Variants in CRPPA observed in about 807,000 individuals in gnomAD.
CRPPA encodes CDP-L-ribitol pyrophosphorylase A.
CRPPA carries 43 observed loss-of-function variants against 52.0 expected under a neutral mutation model. That is an observed-to-expected ratio of 0.83 (90% CI 0.65 to 1.07). The LOEUF (loss-of-function observed/expected upper bound fraction) is 1.07. CRPPA is among the 50% of genes least tolerant of loss of function. The pLI is 0.00. For synonymous variants in CRPPA, 250 were observed against 203.5 expected (o/e 1.23, Z -1.94); for missense variants, 629 against 551.7 (o/e 1.14, Z -1.40).
intron 1 of CRPPA, among the ~76,000 whole-genome samples, chr7:16,413,545 TC>T (rs1456084625): frequency 2.0e-5 from 3 of 152,218 alleles, no homozygotes; most frequent in Non-Finnish European, 4.4e-5. Flanking sequence ...TAAATATTTC[TC>T]CTGTCTTCTC....
At chr7:16,152,870 A>AT (rs941506084) in intron 9 of CRPPA, among the ~76,000 whole-genome samples, 100 of 151,942 alleles carry the variant, frequency 6.6e-4, no homozygotes, top group African/African-American at 2.1e-3. Flanking sequence ...AATTTGTTCC[A>AT]TTTTTTCTCT....
intron 5 of CRPPA, among the ~76,000 whole-genome samples, chr7:16,300,302 A>G (rs1250630886): frequency 6.6e-6 from 1 of 152,222 alleles, no homozygotes; most frequent in African/African-American, 2.4e-5. Flanking sequence ...ATTTTTTAAT[A>G]AATTGATGCA....
At chr7:16,176,653 A>C (rs1384982426) in intron 9 of CRPPA, among the ~76,000 whole-genome samples, 1 of 152,124 alleles carries the variant, frequency 6.6e-6, no homozygotes, top group African/African-American at 2.4e-5. Context: ...TGTTGTTCAC[A>C]CTGTACTCTA....
chr7:16,216,908 G>T (rs1022059057), intron 8 of CRPPA, among the ~76,000 whole-genome samples: 1 of 151,978 alleles, frequency 6.6e-6, no homozygotes, highest in Non-Finnish European at 1.5e-5. Context: ...AAACAAAGCA[G>T]CCGGGAAGCT....
chr7:16,306,786 C>T (rs116110308), intron 4 of CRPPA, among the ~76,000 whole-genome samples: 1,867 of 152,106 alleles, frequency 0.012, 49 homozygotes, highest in African/African-American at 0.043. Flanking sequence ...ATCACTGAGC[C>T]ATATATAGAA....
intron 3 of CRPPA, among the ~76,000 whole-genome samples, chr7:16,327,830 C>T (rs1400971345): frequency 6.6e-6 from 1 of 152,058 alleles, no homozygotes; most frequent in East Asian, 1.9e-4. Flanking sequence ...AAAGGGGCAA[C>T]ATGCAACACA....
intron 6 of CRPPA, among the ~76,000 whole-genome samples, chr7:16,264,829 T>G (rs73060585): frequency 0.2 from 29,791 of 152,156 alleles, 3,270 homozygotes; most frequent in East Asian, 0.43. Flanking sequence ...AAGCTTTTCT[T>G]TTTGTATGTG....
chr7:16,295,721 T>C (rs1048539894), intron 5 of CRPPA, among the ~76,000 whole-genome samples: 2 of 152,110 alleles, frequency 1.3e-5, no homozygotes, highest in Non-Finnish European at 2.9e-5. Flanking sequence ...TTGTATGGCT[T>C]ATGCAAATCT....
chr7:16,226,925 C>A (rs1439646237), intron 8 of CRPPA, among the ~76,000 whole-genome samples: 1 of 151,796 alleles, frequency 6.6e-6, no homozygotes, highest in Non-Finnish European at 1.5e-5. Flanking sequence ...TGACATTTCC[C>A]TAACCCTCTA....
intron 9 of CRPPA, among the ~76,000 whole-genome samples, chr7:16,141,664 C>T (rs897271915): frequency 3.3e-5 from 5 of 152,148 alleles, no homozygotes; most frequent in African/African-American, 1.2e-4. Context: ...ACATTTGAAA[C>T]TGCATAAGAC....
chr7:16,327,204 G>T (rs1330952076), intron 3 of CRPPA, among the ~76,000 whole-genome samples: 1 of 152,110 alleles, frequency 6.6e-6, no homozygotes, highest in Non-Finnish European at 1.5e-5. Context: ...AGGTAAAACT[G>T]ATTATCTTCA....
chr7:16,221,445 G>A (rs1206310445), intron 8 of CRPPA, among the ~76,000 whole-genome samples: 2 of 152,206 alleles, frequency 1.3e-5, no homozygotes, highest in African/African-American at 4.8e-5. Context: ...ATTGACAAAT[G>A]GGATCTGATC....
At chr7:16,146,766 A>G (rs1782982463) in intron 9 of CRPPA, among the ~76,000 whole-genome samples, 1 of 152,186 alleles carries the variant, frequency 6.6e-6, no homozygotes, top group East Asian at 1.9e-4. Flanking sequence ...TAATAGACAC[A>G]CAAAAGATAA....
intron 3 of CRPPA, among the ~76,000 whole-genome samples, chr7:16,359,466 T>C (rs933204946): frequency 1.3e-5 from 2 of 152,236 alleles, no homozygotes; most frequent in Non-Finnish European, 2.9e-5. Context: ...GCTCTTGCTA[T>C]ATACATGTAG....
rs569584756 is a variant in CRPPA, at chr7:16,396,152, G to GA, written c.534+9908dup. ...AATACTATGGTATCCAATAAGCCAG[G>GA]AAAAAAACATTATCTTATCCCCATG... is the stretch of plus-strand genomic sequence containing the variant. On this transcript the variant is annotated intron_variant, in intron 2 of 9. Transcript: ENST00000407010. Among the ~76,000 whole-genome samples, 100 of 152,138 alleles carry GA rather than the reference G, an allele frequency of 6.6e-4. 1 individual carries two copies. Among genetic ancestry groups the GA allele is most frequent in the African/African-American group, 2.2e-3 (92 of 41,522 alleles).
intron 9 of CRPPA, among the ~76,000 whole-genome samples, chr7:16,137,008 C>T (rs969544041): frequency 3.3e-5 from 5 of 152,216 alleles, no homozygotes; most frequent in African/African-American, 1.2e-4. Flanking sequence ...AACTGAGATG[C>T]TCAACTCTTG....
chr7:16,385,427 A>G (rs1257315548), intron 2 of CRPPA, among the ~76,000 whole-genome samples: 1 of 152,236 alleles, frequency 6.6e-6, no homozygotes, highest in Non-Finnish European at 1.5e-5. Flanking sequence ...GATTAGCAAG[A>G]GAACATCAAT....
chr7:16,372,154 C>A (rs1786765764), intron 3 of CRPPA, among the ~76,000 whole-genome samples: 2 of 152,144 alleles, frequency 1.3e-5, no homozygotes. Flanking sequence ...AACTTCCTAA[C>A]CTTGCTAGAG....
chr7:16,219,512 T>G (rs1420588768), intron 8 of CRPPA, among the ~76,000 whole-genome samples: 1 of 109,170 alleles, frequency 9.2e-6, no homozygotes, highest in Non-Finnish European at 1.9e-5. Context: ...GAGCTGGTTT[T>G]TTGAAAGGAT....
Sources: gnomAD v4.1 joint callset for allele counts (sites outside exome capture counted in the v4.1 genomes callset) on GRCh38, gnomAD v4.1.1 for gene constraint, MANE v1.5 for transcripts, NCBI Gene and HGNC (gene_info 2026-07-23, HGNC 2026-07-21) for gene names.